The following NRG1 variants were observed in gnomAD, a reference collection of about 807,000 sequenced individuals.
The protein encoded by NRG1 is neuregulin 1.
In NRG1, 18 loss-of-function variants were observed where a neutral mutation model predicts 63.8. The ratio of observed to expected loss-of-function variants is 0.28; its 90% CI spans 0.19 to 0.42. The LOEUF (loss-of-function observed/expected upper bound fraction) is 0.42, where lower values mean the gene tolerates loss of function less well. Ranked by LOEUF, NRG1 falls within the 10% of genes least tolerant of loss-of-function variation. NRG1 has a pLI of 1.00. For synonymous variants in NRG1, 302 were observed against 301.3 expected (o/e 1.00, Z -0.02); for missense variants, 762 against 814.7 (o/e 0.94, Z 0.79).
chr8:31,733,461 T>G (rs1476697519), intron 1 of NRG1, among the ~76,000 whole-genome samples: 1 of 152,188 alleles, frequency 6.6e-6, no homozygotes. Context: ...ATTTTAAGAA[T>G]GTGTTGTTTG....
chr8:32,097,441 G>A (rs762359826), intron 1 of NRG1, among the ~76,000 whole-genome samples: 3 of 152,090 alleles, frequency 2.0e-5, no homozygotes, highest in Non-Finnish European at 4.4e-5. Flanking sequence ...TAATGGCTAT[G>A]CAAATTTCCA....
At chr8:31,678,128 T>A (rs1807919419) in intron 1 of NRG1, among the ~76,000 whole-genome samples, 2 of 150,900 alleles carry the variant, frequency 1.3e-5, no homozygotes, top group African/African-American at 2.4e-5. Flanking sequence ...TTAAACTCTT[T>A]GAATTATGTC....
chr8:32,453,421 G>A (rs1383771486), intron 1 of NRG1, among the ~76,000 whole-genome samples: 2 of 152,104 alleles, frequency 1.3e-5, no homozygotes, highest in Non-Finnish European at 2.9e-5. Flanking sequence ...GTAAATCACC[G>A]TATAAGGGGT....
At chr8:32,478,007 C>T (rs144248041) in intron 1 of NRG1, among the ~76,000 whole-genome samples, 51 of 152,296 alleles carry the variant, frequency 3.3e-4, no homozygotes, top group Non-Finnish European at 4.0e-4. Flanking sequence ...TGAAAAATCA[C>T]GACAGATAAT....
intron 1 of NRG1, among the ~76,000 whole-genome samples, chr8:31,751,627 T>C (rs950568411): frequency 7.9e-5 from 12 of 151,980 alleles, no homozygotes; most frequent in African/African-American, 2.9e-4. Context: ...TACATTATTA[T>C]AGTTGTGGTG....
At chr8:31,650,252 A>G (rs1415414695) in intron 1 of NRG1, among the ~76,000 whole-genome samples, 1 of 152,220 alleles carries the variant, frequency 6.6e-6, no homozygotes, top group Non-Finnish European at 1.5e-5. Flanking sequence ...TGCTGGGATT[A>G]CAAGCATGAG....
At chr8:32,209,558 G>C (rs1844441365) in intron 1 of NRG1, among the ~76,000 whole-genome samples, 1 of 152,096 alleles carries the variant, frequency 6.6e-6, no homozygotes, top group Non-Finnish European at 1.5e-5. Flanking sequence ...TTTAAAATAA[G>C]CATAGAAGAG....
At chr8:32,396,695 C>T (rs1345487328) in intron 1 of NRG1, among the ~76,000 whole-genome samples, 1 of 152,136 alleles carries the variant, frequency 6.6e-6, no homozygotes, top group East Asian at 1.9e-4. Flanking sequence ...TGGTCCACCT[C>T]CCTCGGCCTC....
rs1346220116 is a variant in NRG1, at chr8:32,471,746, T to TTCTTGA, written c.38-124081_38-124076dup. On this transcript the variant is annotated intron_variant, in intron 1 of 10. Transcript: ENST00000519301. ...AAAAAATGTACTTGTTCAGAGTCTA[T>TTCTTGA]TCTTGAGTCAACCTACCTTCTCAGC... Among the ~76,000 whole-genome samples, 3 of 152,188 alleles carry TTCTTGA rather than the reference T, an allele frequency of 2.0e-5. No individual in the cohort carries two copies. The East Asian group carries it at 5.8e-4, about 29-fold the overall frequency.
chr8:32,464,379 C>T (rs777597100), intron 1 of NRG1, among the ~76,000 whole-genome samples: 5 of 146,716 alleles, frequency 3.4e-5, no homozygotes, highest in African/African-American at 7.6e-5. Context: ...AGATCAGGAC[C>T]GCATCCAGGT....
At chr8:31,950,725 A>G (rs563793941) in intron 1 of NRG1, among the ~76,000 whole-genome samples, 1 of 152,330 alleles carries the variant, frequency 6.6e-6, no homozygotes, top group South Asian at 2.1e-4. Context: ...CCTAAATTAC[A>G]TAATATGTTT....
In NRG1 at chr8:32,005,871, G is replaced by T. The variant is rs543982289; in HGVS notation, c.37+366440G>T. On this transcript the variant is annotated intron_variant, in intron 1 of 10. Coordinates refer to the NRG1 transcript ENST00000519301. The stretch of plus-strand genomic sequence containing the variant: ...TGCTTGAACTTTCAATACAATAGAG[G>T]TCACTAATGGAAGCCTAAAAAAGAA... Among the ~76,000 whole-genome samples, 59 of 152,054 alleles carry T rather than the reference G, an allele frequency of 3.9e-4. No homozygotes were observed. The South Asian group carries it at 7.9e-3, about 20-fold the overall frequency.
intron 1 of NRG1, among the ~76,000 whole-genome samples, chr8:31,955,773 C>A (rs1239254056): frequency 6.6e-6 from 1 of 151,890 alleles, no homozygotes; most frequent in African/African-American, 2.4e-5. Flanking sequence ...TGCAGTTGCT[C>A]ATGGCTGTAA....
chr8:32,008,405 C>T (rs1326535575), intron 1 of NRG1, among the ~76,000 whole-genome samples: 1 of 151,998 alleles, frequency 6.6e-6, no homozygotes, highest in Admixed American at 6.6e-5. Context: ...CAAAAGAAAG[C>T]ACTTCTTCTT....
At chr8:32,163,772 T>G (rs929905263) in intron 1 of NRG1, among the ~76,000 whole-genome samples, 29 of 152,220 alleles carry the variant, frequency 1.9e-4, no homozygotes, top group Admixed American at 1.6e-3. Flanking sequence ...GTTAGGAATA[T>G]CATTCATTTT....
intron 1 of NRG1, among the ~76,000 whole-genome samples, chr8:31,823,412 G>T (rs911177475): frequency 1.3e-5 from 2 of 152,072 alleles, no homozygotes; most frequent in East Asian, 3.9e-4. Context: ...GTGAACTATA[G>T]TTCACACAAT....
chr8:32,464,632 G>A (rs544837854), intron 1 of NRG1, among the ~76,000 whole-genome samples: 2 of 152,160 alleles, frequency 1.3e-5, no homozygotes, highest in African/African-American at 4.8e-5. Flanking sequence ...TGCATTACTT[G>A]TACAACCATT....
intron 1 of NRG1, among the ~76,000 whole-genome samples, chr8:31,696,525 G>T (rs1810077813): frequency 6.6e-6 from 1 of 152,204 alleles, no homozygotes; most frequent in Admixed American, 6.5e-5. Context: ...GGGACAAAGT[G>T]TCAGACCTTA....
At chr8:32,151,097 A>G (rs1837454647) in intron 1 of NRG1, among the ~76,000 whole-genome samples, 1 of 152,204 alleles carries the variant, frequency 6.6e-6, no homozygotes, top group South Asian at 2.1e-4. Context: ...ATGTATATCA[A>G]TATGAGGTAA....
Sources: gnomAD v4.1 joint callset for allele counts (sites outside exome capture counted in the v4.1 genomes callset) on GRCh38, gnomAD v4.1.1 for gene constraint, MANE v1.5 for transcripts, NCBI Gene and HGNC (gene_info 2026-07-23, HGNC 2026-07-21) for gene names.